The following REV3L variants were observed in gnomAD, a reference collection of about 807,000 sequenced individuals.
The protein encoded by REV3L is REV3 like, DNA directed polymerase zeta catalytic subunit.
REV3L carries 69 observed loss-of-function variants against 299.4 expected under a neutral mutation model. That is an observed-to-expected ratio of 0.23 (90% CI 0.19 to 0.28). REV3L has a LOEUF of 0.28. REV3L is among the 10% of genes least tolerant of loss of function. REV3L has a pLI of 1.00. For missense variants in REV3L, 3,128 were observed against 3,693.8 expected (o/e 0.85, Z 3.97); for synonymous variants, 1,238 against 1,271.4 (o/e 0.97, Z 0.56).
At position 111,367,209 on chromosome 6, in the gene REV3L, T is replaced by A. The variant is rs748175999; in HGVS notation, c.6579A>T (p.Lys2193Asn). ...TACTATGAAAGCAAAGTGATTCACA[T>A]TTCCCAGTTCTTGCCCTAGTATTAA... ...SPINTRARTG[K>N]CESLCFHSTP... Residue 2193 changes from lysine to asparagine, a missense_variant, in exon 14 of 32, where the codon AAA becomes AAT. Around this residue, in one of 9 missense-constraint regions of REV3L, gnomAD observed 2,409 missense variants for 2,611.8 expected, o/e 0.92. Transcript: ENST00000368802. The A allele has an allele frequency of 2.5e-6, 4 of 1,614,054 alleles. No individual in the cohort carries two copies. Among genetic ancestry groups the A allele is most frequent in the Non-Finnish European group, 2.5e-6 (3 of 1,179,974 alleles).
chr6:111,392,709 C>T (rs549407141), intron 5 of REV3L, 167 bp downstream of exon 5: 7 of 479,800 alleles, frequency 1.5e-5, no homozygotes, highest in East Asian at 9.3e-5. Flanking sequence ...TTTTTAAAAT[C>T]GTTTATTCCT....
intron 1 of REV3L, among the ~76,000 whole-genome samples, chr6:111,452,745 G>A (rs1172871010): frequency 4.6e-5 from 7 of 152,106 alleles, no homozygotes; most frequent in South Asian, 2.1e-4. Context: ...GACGGCATAC[G>A]TTTGTCATAA....
Position 111,392,965 on chromosome 6 carries a change from T to C in REV3L, c.573A>G (p.Thr191=). The change falls in exon 5 of 32, where the codon ACA becomes ACG. Residue 191 remains threonine (T), a synonymous_variant. Transcript: ENST00000368802. ...TCTTGCAGGATCCAGTTGCATGCAA[T>C]GTATTACCTAGGAATAGAAAGGTAA... The part of the protein sequence containing the change: ...KFRKARRKSN[T]LHATGSCKNH... 2 of 1,590,776 alleles carry C rather than the reference T, an allele frequency of 1.3e-6. No individual in the cohort carries two copies. Among genetic ancestry groups the C allele is most frequent in the Non-Finnish European group, 1.7e-6 (2 of 1,159,040 alleles).
chr6:111,373,207 T>C lies in REV3L; in HGVS notation c.5148A>G (p.Ser1716=), dbSNP rs771527819. Residue 1716 remains serine (S), a synonymous_variant, in exon 13 of 32, where the codon TCA becomes TCG. Coordinates refer to ENST00000368802, the MANE Select transcript of REV3L (RefSeq NM_001372078.1). ...GACTTAAAGTACCAGATCTAATCCA[T>C]GAGGCTGAGTCTGTGGTATGATGCT... ...EDKHHTTDSA[S]WIRSGTLSPE... 1.9e-6 allele frequency: 3 copies of C among 1,614,126 alleles called. No homozygotes were observed. Among genetic ancestry groups the C allele is most frequent in the Non-Finnish European group, 2.5e-6 (3 of 1,179,992 alleles).
At chr6:111,465,448 T>C (rs1162143835) in intron 1 of REV3L, among the ~76,000 whole-genome samples, 1 of 151,704 alleles carries the variant, frequency 6.6e-6, no homozygotes. Context: ...TAGCAAATTT[T>C]GTTGGCTGAG....
chr6:111,382,156 A>C (rs951541733), intron 9 of REV3L, among the ~76,000 whole-genome samples: 5 of 152,224 alleles, frequency 3.3e-5, no homozygotes, highest in Admixed American at 1.3e-4. Context: ...ATATTAGTCC[A>C]TGTGGCCATA....
rs1391482459 is a variant in REV3L at position 111,375,506 on chromosome 6, T to C, written c.2849A>G (p.Glu950Gly). 1 of 1,607,436 alleles carries C rather than the reference T, an allele frequency of 6.2e-7. No individual in the cohort carries two copies. Among genetic ancestry groups the C allele is most frequent in the Non-Finnish European group, 8.5e-7 (1 of 1,178,398 alleles). The part of the protein sequence containing the change: ...NSKISLPHPM[E>G]IGESLDGTLK... ...AGTTCCATCTAAACTTTCACCAATT[T>C]CCATGGGATGAGGTAGACTAATTTT... is the stretch of plus-strand genomic sequence containing the variant. Residue 950 changes from glutamate to glycine, a missense_variant, in exon 13 of 32, where the codon GAA becomes GGA. By Grantham distance (98) the Glu-to-Gly change is moderately conservative. Around this residue, in one of 9 missense-constraint regions of REV3L, gnomAD observed 2,409 missense variants for 2,611.8 expected, o/e 0.92. Coordinates refer to ENST00000368802, the MANE Select transcript of REV3L (RefSeq NM_001372078.1).
Position 111,433,267 on chromosome 6 carries a change from A to T in REV3L, c.140-16795T>A, listed in dbSNP as rs548739196. On this transcript the variant is annotated intron_variant, in intron 1 of 31. Transcript: ENST00000368802. Reference sequence around the variant, plus strand: ...AACAAAATGAAAGGTTGTTTTTTTTAAAAAGACAAACAAAATTAACTAACA... The same window carrying T: ...AACAAAATGAAAGGTTGTTTTTTTTTAAAAGACAAACAAAATTAACTAACA... Among the ~76,000 whole-genome samples, 11 of 152,188 alleles carry T rather than the reference A, an allele frequency of 7.2e-5. No individual in the cohort carries two copies. In the South Asian group the frequency reaches 1.4e-3, roughly 20 times the overall value.
chr6:111,387,918 T>C lies in REV3L; in HGVS notation c.948-5A>G. ...TCCACAGATCCTGATAATGTTCTGC[T>C]TAATTAAAACATATCCTTTATAACA... On this transcript the variant is annotated splice_region_variant and splice_polypyrimidine_tract_variant and intron_variant, in intron 8 of 31. Coordinates refer to ENST00000368802, the MANE Select transcript of REV3L (RefSeq NM_001372078.1). The C allele has an allele frequency of 6.2e-7, 1 of 1,613,730 alleles. No homozygotes were observed. The highest frequency in any genetic ancestry group is 8.5e-7 in the Non-Finnish European group (1 of 1,179,718).
At chr6:111,426,293 T>C (rs1786175373) in intron 1 of REV3L, among the ~76,000 whole-genome samples, 1 of 152,234 alleles carries the variant, frequency 6.6e-6, no homozygotes, top group Non-Finnish European at 1.5e-5. Context: ...TCAAATTGGG[T>C]GGCCTCTAAG....
intron 14 of REV3L, 125 bp downstream of exon 14, chr6:111,366,990 A>G: frequency 1.4e-6 from 1 of 737,348 alleles, no homozygotes; most frequent in Non-Finnish European, 2.0e-6. Flanking sequence ...CTAAGACATG[A>G]CGAAAAATAT....
At chr6:111,453,719 C>G (rs1789821739) in intron 1 of REV3L, among the ~76,000 whole-genome samples, 1 of 152,080 alleles carries the variant, frequency 6.6e-6, no homozygotes, top group Non-Finnish European at 1.5e-5. Flanking sequence ...TGCGGTGGCT[C>G]ACGTCTATAA....
chr6:111,316,040 A>G (rs1324583407), intron 26 of REV3L, among the ~76,000 whole-genome samples: 1 of 152,026 alleles, frequency 6.6e-6, no homozygotes, highest in Non-Finnish European at 1.5e-5. Context: ...GGAGTTTGAG[A>G]CCAGTCTGAC....
intron 1 of REV3L, chr6:111,431,911 T>TGTTC (rs1452632814): frequency 1.9e-5 from 7 of 374,414 alleles, no homozygotes; most frequent in Non-Finnish European, 2.5e-5. Flanking sequence ...TGAATTTGAA[T>TGTTC]GTTCCAGAGG....
intron 1 of REV3L, chr6:111,431,158 C>T (rs1472886868): frequency 1.9e-6 from 3 of 1,549,826 alleles, no homozygotes; most frequent in Non-Finnish European, 2.7e-6. Flanking sequence ...TCTCAGCAGC[C>T]ATGAGTTTTT....
intron 1 of REV3L, among the ~76,000 whole-genome samples, chr6:111,434,487 C>T (rs1306635859): frequency 1.3e-5 from 2 of 151,826 alleles, no homozygotes. Flanking sequence ...GGCATGCTGG[C>T]GGGCGCCTGT....
chr6:111,471,167 T>C (rs1244934392), intron 1 of REV3L, among the ~76,000 whole-genome samples: 1 of 152,116 alleles, frequency 6.6e-6, no homozygotes, highest in Non-Finnish European at 1.5e-5. Flanking sequence ...GTGTTACAAA[T>C]TCACAAGAGA....
intron 20 of REV3L, 55 bp downstream of exon 20, chr6:111,349,159 AAATC>A (rs1777331665): frequency 2.3e-6 from 2 of 874,828 alleles, no homozygotes; most frequent in Non-Finnish European, 3.8e-6. Context: ...TATAATGATT[AAATC>A]ATTATATTGA....
intron 1 of REV3L, among the ~76,000 whole-genome samples, chr6:111,435,364 A>G (rs1408145768): frequency 1.3e-5 from 2 of 152,230 alleles, no homozygotes; most frequent in South Asian, 2.1e-4. Context: ...ATCAATCTTG[A>G]GCAAAAAGAA....
Sources: allele counts gnomAD v4.1 joint callset (sites outside exome capture counted in the v4.1 genomes callset), GRCh38; gene constraint gnomAD v4.1.1; regional missense constraint gnomAD v4.1.1; transcripts MANE v1.5; gene names NCBI Gene and HGNC (gene_info 2026-07-23, HGNC 2026-07-21).